Variants in PREX1 observed in about 807,000 individuals in gnomAD.
PREX1 encodes the protein phosphatidylinositol-3,4,5-trisphosphate dependent Rac exchange factor 1.
In PREX1, 41 loss-of-function variants were observed where a neutral mutation model predicts 198.3. The observed-to-expected ratio is 0.21, with a 90% CI of 0.16 to 0.27. PREX1 has a LOEUF of 0.27. Ranked by LOEUF, PREX1 falls within the 10% of genes least tolerant of loss-of-function variation. The pLI is 1.00. For synonymous variants in PREX1, 843 were observed against 887.2 expected, an observed-to-expected ratio of 0.95 and a Z score of 0.89; for missense variants, 1,620 against 2,200.7, an observed-to-expected ratio of 0.74 and a Z score of 5.28.
chr20:48,838,995 A>C, the PREX1 span, among the ~76,000 whole-genome samples: 7 of 119,920 alleles, frequency 5.8e-5, no homozygotes, highest in Admixed American at 5.8e-4. Flanking sequence ...CTCTGTCTCA[A>C]AAAAAAAAAA....
upstream of PREX1, among the ~76,000 whole-genome samples, chr20:48,832,046 T>C (rs1283141614): frequency 1.3e-5 from 2 of 151,480 alleles, no homozygotes; most frequent in Admixed American, 1.3e-4. Context: ...CTCATGTGTA[T>C]GTCAGGGCAG....
In PREX1 at chr20:48,692,796, A is replaced by C. The variant is rs759592955; in HGVS notation, c.918-6T>G. The stretch of plus-strand genomic sequence containing the variant: ...ACTTCTTGCTCCCGGTGACCCTGAT[A>C]GACAGTGAGAAGTCAGTGTCCCCTA... On this transcript the variant is annotated splice_polypyrimidine_tract_variant and splice_region_variant and intron_variant, in intron 7 of 39. Transcript: ENST00000371941. 37 of 1,611,160 alleles carry C rather than the reference A, an allele frequency of 2.3e-5. No individual in the cohort carries two copies. The highest frequency in any genetic ancestry group is 3.1e-5 in the Non-Finnish European group (36 of 1,177,458).
chr20:48,690,714 G>T (rs140163128), intron 9 of PREX1, among the ~76,000 whole-genome samples: 49 of 152,252 alleles, frequency 3.2e-4, no homozygotes, highest in Non-Finnish European at 5.9e-5. Context: ...GAAGACCTTC[G>T]GGCAAGACCC....
the PREX1 span, among the ~76,000 whole-genome samples, chr20:48,847,403 C>G: frequency 1.5e-5 from 2 of 135,524 alleles, no homozygotes; most frequent in South Asian, 4.7e-4. Context: ...CCCCAAATGA[C>G]TAATAAATAA....
intron 30 of PREX1, among the ~76,000 whole-genome samples, chr20:48,638,142 CCACA>C: frequency 1.3e-5 from 2 of 152,220 alleles, no homozygotes; most frequent in East Asian, 3.9e-4. Flanking sequence ...CAAGTGCATG[CCACA>C]CACAGAGACA....
the PREX1 span, among the ~76,000 whole-genome samples, chr20:48,845,788 G>A: frequency 6.6e-6 from 1 of 151,832 alleles, no homozygotes; most frequent in African/African-American, 2.4e-5. Flanking sequence ...GAGCTTTCCA[G>A]AAGCCGCGAG....
the PREX1 span, among the ~76,000 whole-genome samples, chr20:48,882,395 G>C: frequency 6.6e-6 from 1 of 150,550 alleles, no homozygotes; most frequent in East Asian, 2.0e-4. Context: ...CCAGCTACTC[G>C]GGAGGTTGAG....
At chr20:48,676,346 G>A in intron 13 of PREX1, 78 bp from the exon 14 acceptor site, 2 of 1,361,908 alleles carry the variant, frequency 1.5e-6, no homozygotes, top group Non-Finnish European at 2.1e-6. Flanking sequence ...CTTCCCTGCA[G>A]GACGTGCCCA....
intron 1 of PREX1, among the ~76,000 whole-genome samples, chr20:48,807,306 G>A (rs1568871247): frequency 6.6e-6 from 1 of 150,838 alleles, no homozygotes; most frequent in African/African-American, 2.4e-5. Context: ...CCTTTTTTGT[G>A]TTTTTTTTTC....
chr20:48,727,864 C>A (rs59506758), intron 4 of PREX1, among the ~76,000 whole-genome samples: 1,537 of 152,320 alleles, frequency 0.01, 27 homozygotes, highest in African/African-American at 0.035. Flanking sequence ...ATTACAGGCA[C>A]TACCCTCTCC....
intron 5 of PREX1, among the ~76,000 whole-genome samples, chr20:48,723,074 C>A (rs1331944732): frequency 6.6e-6 from 1 of 152,226 alleles, no homozygotes; most frequent in African/African-American, 2.4e-5. Flanking sequence ...GCTGAGGAGT[C>A]GAGATAGAAT....
chr20:48,824,988 A>C (rs1040098560), intron 1 of PREX1, among the ~76,000 whole-genome samples: 5 of 152,216 alleles, frequency 3.3e-5, no homozygotes, highest in African/African-American at 1.2e-4. Context: ...CTTCCAAGCC[A>C]GGAGACAGCA....
chr20:48,725,135 A>G (rs2090003975), intron 5 of PREX1, among the ~76,000 whole-genome samples: 1 of 152,206 alleles, frequency 6.6e-6, no homozygotes, highest in African/African-American at 2.4e-5. Flanking sequence ...GAAAACCAAG[A>G]TGAAGAATGC....
At chr20:48,627,328 C>T (rs4073097) in intron 39 of PREX1, among the ~76,000 whole-genome samples, 11,390 of 149,484 alleles carry the variant, frequency 0.076, 477 homozygotes, top group South Asian at 0.13. Context: ...ATAGAGTCAC[C>T]GCCTCACGGC....
At chr20:48,872,732 C>T in the PREX1 span, among the ~76,000 whole-genome samples, 76 of 152,040 alleles carry the variant, frequency 5.0e-4, no homozygotes, top group African/African-American at 1.8e-3. Flanking sequence ...GGCAACAGAG[C>T]GAGACTCTGT....
chr20:48,870,319 C>G, the PREX1 span, among the ~76,000 whole-genome samples: 1 of 152,192 alleles, frequency 6.6e-6, no homozygotes, highest in African/African-American at 2.4e-5. Flanking sequence ...TGGGCCACAT[C>G]AAGCCAGCAG....
At chr20:48,830,887 T>C (rs966853703), upstream of PREX1, among the ~76,000 whole-genome samples, 1 of 152,246 alleles carries the variant, frequency 6.6e-6, no homozygotes, top group African/African-American at 2.4e-5. Context: ...TGAAGTCTTT[T>C]ACAATGCGTG....
At chr20:48,644,764 C>T (rs1428193964) in intron 26 of PREX1, among the ~76,000 whole-genome samples, 1 of 152,224 alleles carries the variant, frequency 6.6e-6, no homozygotes, top group African/African-American at 2.4e-5. Context: ...ATCATTTTCA[C>T]GCAGGTGTCA....
intron 1 of PREX1, among the ~76,000 whole-genome samples, chr20:48,820,383 C>G (rs2123074136): frequency 6.6e-6 from 1 of 152,242 alleles, no homozygotes; most frequent in East Asian, 1.9e-4. Flanking sequence ...AAGCAACATC[C>G]CCAAGGTCAC....
Sources: allele counts gnomAD v4.1 joint callset (sites outside exome capture counted in the v4.1 genomes callset), GRCh38; gene constraint gnomAD v4.1.1; transcripts MANE v1.5; gene names NCBI Gene and HGNC (gene_info 2026-07-23, HGNC 2026-07-21).